PAK5: variants seen among roughly 807,000 people sequenced by gnomAD.
The protein encoded by PAK5 is p21 (RAC1) activated kinase 5.
PAK5 carries 16 observed loss-of-function variants against 65.9 expected under a neutral mutation model. The observed-to-expected ratio is 0.24, with a 90% CI of 0.16 to 0.37. The LOEUF (loss-of-function observed/expected upper bound fraction) is 0.37, where lower values mean the gene tolerates loss of function less well. PAK5 is among the 10% of genes least tolerant of loss of function. PAK5 has a pLI of 1.00. For synonymous variants in PAK5, 371 were observed against 354.9 expected, an observed-to-expected ratio of 1.05 and a Z score of -0.51; for missense variants, 785 against 903.9, an observed-to-expected ratio of 0.87 and a Z score of 1.69.
chr20:9,761,789 G>C (rs1260351995), intron 1 of PAK5, among the ~76,000 whole-genome samples: 2 of 151,630 alleles, frequency 1.3e-5, no homozygotes, highest in Non-Finnish European at 2.9e-5. Context: ...GTAACATGTT[G>C]CATATTTTAA....
chr20:9,788,499 G>C (rs1490608431), intron 1 of PAK5, among the ~76,000 whole-genome samples: 1 of 152,086 alleles, frequency 6.6e-6, no homozygotes, highest in African/African-American at 2.4e-5. Context: ...GAAAAGAGGA[G>C]AGAAGCCCTA....
At chr20:9,675,081 A>C (rs1041008732) in intron 2 of PAK5, among the ~76,000 whole-genome samples, 5 of 152,204 alleles carry the variant, frequency 3.3e-5, no homozygotes, top group Non-Finnish European at 7.3e-5. Context: ...GGAAAACAGT[A>C]CATTTACAAA....
intron 1 of PAK5, among the ~76,000 whole-genome samples, chr20:9,760,004 C>T (rs188807072): frequency 5.9e-5 from 9 of 152,236 alleles, no homozygotes; most frequent in East Asian, 5.8e-4. Context: ...GGTCACCCTA[C>T]GCTAATGTTT....
intron 1 of PAK5, among the ~76,000 whole-genome samples, chr20:9,791,163 C>T (rs540418446): frequency 4.6e-5 from 7 of 152,192 alleles, no homozygotes; most frequent in East Asian, 1.9e-4. Context: ...CACATGTAGA[C>T]GACTTAGAAA....
At chr20:9,562,054 C>T (rs2045598963) in intron 6 of PAK5, among the ~76,000 whole-genome samples, 1 of 152,130 alleles carries the variant, frequency 6.6e-6, no homozygotes, top group Non-Finnish European at 1.5e-5. Context: ...CCTTCAATGC[C>T]CTTTTCCTCC....
chr20:9,722,027 T>C (rs2123522205), intron 1 of PAK5, among the ~76,000 whole-genome samples: 1 of 152,232 alleles, frequency 6.6e-6, no homozygotes, highest in South Asian at 2.1e-4. Context: ...TAATATCCAC[T>C]ATTAACATGT....
At chr20:9,689,865 C>T (rs2047768500) in intron 2 of PAK5, among the ~76,000 whole-genome samples, 1 of 152,264 alleles carries the variant, frequency 6.6e-6, no homozygotes, top group African/African-American at 2.4e-5. Flanking sequence ...AACTGGAACA[C>T]ATCTGGGCTT....
At chr20:9,790,792 C>A (rs967811204) in intron 1 of PAK5, among the ~76,000 whole-genome samples, 1 of 152,086 alleles carries the variant, frequency 6.6e-6, no homozygotes, top group African/African-American at 2.4e-5. Flanking sequence ...AGCCACTGCA[C>A]CCAGTTGAAT....
intron 1 of PAK5, among the ~76,000 whole-genome samples, chr20:9,835,916 G>A (rs540555544): frequency 7.2e-5 from 11 of 152,180 alleles, no homozygotes; most frequent in African/African-American, 2.6e-4. Context: ...AATGCATTTT[G>A]GTTTTTTTGC....
intron 3 of PAK5, among the ~76,000 whole-genome samples, chr20:9,624,669 T>A (rs1340947406): frequency 6.6e-6 from 1 of 152,006 alleles, no homozygotes; most frequent in Non-Finnish European, 1.5e-5. Flanking sequence ...GGAAAGGCCC[T>A]GGCTCTGGAG....
chr20:9,801,071 GA>G, intron 1 of PAK5, among the ~76,000 whole-genome samples: 1 of 152,246 alleles, frequency 6.6e-6, no homozygotes, highest in East Asian at 1.9e-4. Flanking sequence ...TTTACAGTAA[GA>G]TATGGAATCA....
In PAK5 at chr20:9,681,301, G is replaced by A. The variant is rs182000468; in HGVS notation, c.-12+29985C>T. 9.9e-4 allele frequency among the ~76,000 whole-genome samples: 151 copies of A among 152,026 alleles called. No individual in the cohort carries two copies. In the Middle Eastern group the frequency reaches 0.051, roughly 52 times the overall value. The stretch of plus-strand genomic sequence containing the variant: ...TATATTTAAGGGATGTCTTTTGTAA[G>A]CAACATATGCTTCTTATTTCTTTTT... On this transcript the variant is annotated intron_variant, in intron 2 of 9. Coordinates refer to ENST00000353224, the MANE Select transcript of PAK5 (RefSeq NM_177990.4).
chr20:9,635,275 T>C (rs1163651454), intron 3 of PAK5, among the ~76,000 whole-genome samples: 1 of 152,220 alleles, frequency 6.6e-6, no homozygotes, highest in East Asian at 1.9e-4. Flanking sequence ...TAGATCAATA[T>C]ATTTGGTACA....
intron 1 of PAK5, among the ~76,000 whole-genome samples, chr20:9,776,247 T>C (rs1217027758): frequency 6.6e-6 from 1 of 152,154 alleles, no homozygotes; most frequent in Non-Finnish European, 1.5e-5. Flanking sequence ...GAGTCAGAAT[T>C]TCATACCAGG....
intron 9 of PAK5, among the ~76,000 whole-genome samples, chr20:9,541,044 T>C (rs1720138573): frequency 6.6e-6 from 1 of 152,204 alleles, no homozygotes. Flanking sequence ...CCACTTTTCA[T>C]TATTTAGACT....
At chr20:9,575,622 G>T (rs1420492844) in intron 4 of PAK5, 1 of 152,092 alleles carries the variant, frequency 6.6e-6, no homozygotes, top group Admixed American at 6.5e-5. Flanking sequence ...TACACTCTGG[G>T]TGACATTAAG....
At chr20:9,616,951 CA>C (rs1172715837) in intron 3 of PAK5, among the ~76,000 whole-genome samples, 1 of 152,122 alleles carries the variant, frequency 6.6e-6, no homozygotes, top group Non-Finnish European at 1.5e-5. Context: ...TGGAGTTGTA[CA>C]AAAATACGGA....
At chr20:9,834,302 G>A (rs1364035698) in intron 1 of PAK5, among the ~76,000 whole-genome samples, 2 of 152,126 alleles carry the variant, frequency 1.3e-5, no homozygotes, top group Non-Finnish European at 2.9e-5. Context: ...TGGGCACTCA[G>A]TCTTACTATT....
chr20:9,718,872 T>C (rs1487719909), intron 1 of PAK5, among the ~76,000 whole-genome samples: 1 of 152,174 alleles, frequency 6.6e-6, no homozygotes, highest in African/African-American at 2.4e-5. Flanking sequence ...GAACTCCAAG[T>C]ACACAAAATC....
Sources: allele counts gnomAD v4.1 joint callset (sites outside exome capture counted in the v4.1 genomes callset), GRCh38; gene constraint gnomAD v4.1.1; transcripts MANE v1.5; gene names NCBI Gene and HGNC (gene_info 2026-07-23, HGNC 2026-07-21).